The following KDM4C variants were observed in gnomAD, a reference collection of about 807,000 sequenced individuals.
KDM4C encodes the protein lysine-specific demethylase 4C.
KDM4C carries 81 observed loss-of-function variants against 129.3 expected under a neutral mutation model. The observed-to-expected ratio is 0.63, with a 90% CI of 0.52 to 0.75. KDM4C has a LOEUF of 0.75. Among genes scored for constraint, KDM4C ranks in the 30% least tolerant of loss-of-function variants. KDM4C has a pLI of 0.00. For missense variants in KDM4C, 1,457 were observed against 1,304.0 expected, an observed-to-expected ratio of 1.12 and a Z score of -1.81; for synonymous variants, 573 against 456.1, an observed-to-expected ratio of 1.26 and a Z score of -3.26.
chr9:6,798,780 C>T (rs184053392), intron 2 of KDM4C, among the ~76,000 whole-genome samples: 10,581 of 150,710 alleles, frequency 0.07, 481 homozygotes, highest in Non-Finnish European at 0.11. Context: ...GGGTGGTGGC[C>T]GGGCAGAGGG....
intron 1 of KDM4C, among the ~76,000 whole-genome samples, chr9:6,789,539 A>AT (rs950538315): frequency 1.1e-4 from 17 of 148,128 alleles, no homozygotes; most frequent in South Asian, 6.4e-4. Context: ...AAATTTTTAT[A>AT]TTTTTTTTTA....
At chr9:6,796,524 C>T (rs768484236) in intron 2 of KDM4C, among the ~76,000 whole-genome samples, 2 of 152,118 alleles carry the variant, frequency 1.3e-5, no homozygotes, top group Admixed American at 6.5e-5. Context: ...TAGGGTGGCA[C>T]GTTCAGTAAC....
chr9:7,111,349 G>A (rs1163050702), intron 18 of KDM4C, among the ~76,000 whole-genome samples: 1 of 152,098 alleles, frequency 6.6e-6, no homozygotes, highest in African/African-American at 2.4e-5. Flanking sequence ...TTTAAGATTT[G>A]GGAAACTAAA....
chr9:6,914,335 A>C (rs1180296642), intron 8 of KDM4C, among the ~76,000 whole-genome samples: 1 of 152,176 alleles, frequency 6.6e-6, no homozygotes, highest in Non-Finnish European at 1.5e-5. Flanking sequence ...CTGGGATTAC[A>C]GGCTGGGCTT....
intron 1 of KDM4C, among the ~76,000 whole-genome samples, chr9:6,742,936 G>A (rs112928126): frequency 3.8e-4 from 58 of 152,002 alleles, no homozygotes; most frequent in African/African-American, 1.9e-4. Flanking sequence ...GCTTGAACCC[G>A]GGAGGTGGAA....
At chr9:7,100,447 C>T (rs563614695) in intron 17 of KDM4C, among the ~76,000 whole-genome samples, 1 of 152,156 alleles carries the variant, frequency 6.6e-6, no homozygotes, top group Non-Finnish European at 1.5e-5. Flanking sequence ...TCAAGCGACT[C>T]TCCTGCCTCA....
chr9:7,173,359 G>A (rs372221746), intron 21 of KDM4C, among the ~76,000 whole-genome samples: 1 of 152,346 alleles, frequency 6.6e-6, no homozygotes, highest in East Asian at 1.9e-4. Context: ...TGCCGTCTGA[G>A]CAGAGCACGG....
intron 4 of KDM4C, among the ~76,000 whole-genome samples, chr9:6,816,210 C>G (rs1016031523): frequency 2.0e-5 from 3 of 152,116 alleles, no homozygotes; most frequent in Non-Finnish European, 4.4e-5. Context: ...TAATCCTTGC[C>G]TTAATTCCAT....
intron 1 of KDM4C, among the ~76,000 whole-genome samples, chr9:6,767,619 CAGATGGGGTTTTGCCGTTTTTAGTAG>C (rs998622838): frequency 9.2e-5 from 14 of 152,160 alleles, no homozygotes; most frequent in Admixed American, 7.2e-4. Context: ...GTTTTTAGTA[CAGATGGGGTTTTGCCGTTTTTAGTAG>C]AGATGGGGTT....
intron 1 of KDM4C, among the ~76,000 whole-genome samples, chr9:6,749,986 CAAAAAAAAAAAAA>C (rs57999664): frequency 1.8e-5 from 1 of 55,604 alleles, no homozygotes; most frequent in Non-Finnish European, 4.2e-5. Context: ...AACTCCTTCT[CAAAAAAAAAAAAA>C]AAAAAAAAAA....
At chr9:6,887,869 G>C in intron 6 of KDM4C, 91 bp from the exon 7 acceptor site, 1 of 795,606 alleles carries the variant, frequency 1.3e-6, no homozygotes, top group African/African-American at 1.7e-5. Flanking sequence ...AAGTCAAACA[G>C]TAAGAACACT....
chr9:6,887,972 G>A lies in KDM4C; in HGVS notation c.692G>A (p.Ser231Asn). The change falls in exon 7 of 22, where the codon AGC (serine) becomes AAC (asparagine). Residue 231 changes from serine (S) to asparagine (N), a missense_variant. Ser to Asn is a conservative substitution (Grantham distance 46). Transcript: ENST00000381309. ...LERLAQGFFPSSSQGCDAFLR... is the reference protein window; with the variant it reads ...LERLAQGFFPNSSQGCDAFLR... The stretch of plus-strand genomic sequence containing the variant: ...TGTTTCTTTTTAGGTTTTTTCCCAA[G>A]CAGCTCCCAAGGGTGTGATGCATTT... 1.9e-6 allele frequency: 3 copies of A among 1,608,282 alleles called. No homozygotes were observed. The highest frequency in any genetic ancestry group is 2.6e-6 in the Non-Finnish European group (3 of 1,175,010).
intron 17 of KDM4C, chr9:7,076,958 C>T (rs1420921868): frequency 1.0e-5 from 10 of 985,914 alleles, no homozygotes; most frequent in Non-Finnish European, 1.2e-5. Context: ...TACAGCACAT[C>T]ACAGGCCCAG....
At chr9:6,771,574 G>C (rs1035707963) in intron 1 of KDM4C, among the ~76,000 whole-genome samples, 2 of 152,086 alleles carry the variant, frequency 1.3e-5, no homozygotes, top group African/African-American at 4.8e-5. Flanking sequence ...GCCTCACAAA[G>C]TGCTGGGATT....
intron 5 of KDM4C, among the ~76,000 whole-genome samples, chr9:6,855,684 C>T (rs1176418581): frequency 6.6e-6 from 1 of 152,112 alleles, no homozygotes; most frequent in African/African-American, 2.4e-5. Context: ...TTCCTTCTTT[C>T]TCCCTTTGGT....
At chr9:6,802,339 T>C (rs1829158823) in intron 2 of KDM4C, among the ~76,000 whole-genome samples, 1 of 152,198 alleles carries the variant, frequency 6.6e-6, no homozygotes, top group South Asian at 2.1e-4. Context: ...TTTGCAACAG[T>C]TGGCAATATC....
intron 17 of KDM4C, among the ~76,000 whole-genome samples, chr9:7,076,164 C>G (rs4742305): frequency 6.6e-6 from 1 of 151,982 alleles, no homozygotes. Flanking sequence ...CTGTAATAAA[C>G]CAACAGCAAG....
Position 7,128,662 on chromosome 9 carries a change from G to GACAGTGTATT in KDM4C, c.2781+427_2781+436dup, listed in dbSNP as rs200094822. ...AATGTGGCTTTGATTAATCTGACTC[G>GACAGTGTATT]ACAGTGTATTTAAATCTTTGGATAT... On this transcript the variant is annotated intron_variant, in intron 19 of 21. Coordinates refer to ENST00000381309, the MANE Select transcript of KDM4C (RefSeq NM_015061.6). Among the ~76,000 whole-genome samples, 1,044 of 152,216 alleles carry GACAGTGTATT rather than the reference G, an allele frequency of 6.9e-3. 8 individuals carry two copies. Among genetic ancestry groups the GACAGTGTATT allele is most frequent in the Admixed American group, 0.011 (173 of 15,292 alleles).
At chr9:6,857,020 A>C (rs1839985512) in intron 5 of KDM4C, among the ~76,000 whole-genome samples, 1 of 151,936 alleles carries the variant, frequency 6.6e-6, no homozygotes, top group Non-Finnish European at 1.5e-5. Context: ...GCCTCCCATA[A>C]TTTTTGTATT....
Sources: gnomAD v4.1 joint callset for allele counts (sites outside exome capture counted in the v4.1 genomes callset) on GRCh38, gnomAD v4.1.1 for gene constraint, MANE v1.5 for transcripts, NCBI Gene and HGNC (gene_info 2026-07-23, HGNC 2026-07-21) for gene names.